PLXNA4: variants seen among roughly 807,000 people sequenced by gnomAD.
The protein encoded by PLXNA4 is plexin A4.
In PLXNA4, 44 loss-of-function variants were observed where a neutral mutation model predicts 191.8. The ratio of observed to expected loss-of-function variants is 0.23; its 90% CI spans 0.18 to 0.29. The LOEUF (loss-of-function observed/expected upper bound fraction) is 0.29. Among genes scored for constraint, PLXNA4 ranks in the 10% least tolerant of loss-of-function variants. PLXNA4 has a pLI of 1.00. For synonymous variants in PLXNA4, 1,082 were observed against 1,009.5 expected, an observed-to-expected ratio of 1.07 and a Z score of -1.36; for missense variants, 1,800 against 2,488.8, an observed-to-expected ratio of 0.72 and a Z score of 5.89.
chr7:132,470,795 T>C (rs1796906309), intron 3 of PLXNA4, among the ~76,000 whole-genome samples: 1 of 152,120 alleles, frequency 6.6e-6, no homozygotes, highest in Non-Finnish European at 1.5e-5. Flanking sequence ...GGAATGTGGG[T>C]GGCCTTTAGA....
At chr7:132,544,211 A>G (rs142962768) in intron 1 of PLXNA4, among the ~76,000 whole-genome samples, 130 of 152,320 alleles carry the variant, frequency 8.5e-4, no homozygotes, top group African/African-American at 2.9e-3. Flanking sequence ...AGACAGCTCA[A>G]AGAAAAGATC....
chr7:132,148,787 G>A, intron 25 of PLXNA4, 141 bp from the exon 26 acceptor site: 1 of 1,342,700 alleles, frequency 7.4e-7, no homozygotes, highest in Non-Finnish European at 9.9e-7. Flanking sequence ...TGCGAAAATG[G>A]AGTGCCAAAG....
chr7:132,279,175 A>G (rs1352668993), intron 4 of PLXNA4, among the ~76,000 whole-genome samples: 1 of 152,204 alleles, frequency 6.6e-6, no homozygotes, highest in Non-Finnish European at 1.5e-5. Context: ...CTGACTGGTG[A>G]GTGGTGCACA....
intron 27 of PLXNA4, among the ~76,000 whole-genome samples, chr7:132,147,317 G>A (rs1307441721): frequency 6.6e-6 from 1 of 152,174 alleles, no homozygotes; most frequent in African/African-American, 2.4e-5. Context: ...GAATGATCCT[G>A]TTCAGTCGGT....
chr7:132,374,085 C>T (rs767979292), intron 3 of PLXNA4, among the ~76,000 whole-genome samples: 8 of 152,258 alleles, frequency 5.3e-5, no homozygotes, highest in African/African-American at 1.9e-4. Context: ...TTGATGCTGA[C>T]CTGCACGAAG....
intron 27 of PLXNA4, among the ~76,000 whole-genome samples, chr7:132,147,411 T>C (rs1187739476): frequency 6.6e-6 from 1 of 152,136 alleles, no homozygotes; most frequent in East Asian, 1.9e-4. Flanking sequence ...AGCACACAGA[T>C]AGGGCAGAAC....
intron 4 of PLXNA4, among the ~76,000 whole-genome samples, chr7:132,291,219 C>A (rs748245472): frequency 1.3e-5 from 2 of 152,160 alleles, no homozygotes; most frequent in African/African-American, 2.4e-5. Context: ...TCTCCCCAGA[C>A]GGTCCTCTCG....
intron 2 of PLXNA4, among the ~76,000 whole-genome samples, chr7:132,625,210 G>A (rs902720582): frequency 4.6e-5 from 7 of 152,158 alleles, no homozygotes; most frequent in Non-Finnish European, 7.3e-5. Context: ...GGTGGAGAGT[G>A]CCAAATCAAG....
intron 1 of PLXNA4, among the ~76,000 whole-genome samples, chr7:132,575,030 T>C (rs1253544429): frequency 1.3e-5 from 2 of 152,190 alleles, no homozygotes; most frequent in Admixed American, 6.5e-5. Flanking sequence ...GAAAATGATA[T>C]GATCATGTTG....
intron 3 of PLXNA4, among the ~76,000 whole-genome samples, chr7:132,399,090 A>C (rs1372201664): frequency 2.0e-5 from 3 of 152,262 alleles, no homozygotes; most frequent in African/African-American, 7.2e-5. Context: ...GTGCTGCATT[A>C]AAGTACAGAG....
chr7:132,168,525 G>A lies in PLXNA4; in HGVS notation c.4065C>T (p.Phe1355=), dbSNP rs200724235. 25 of 1,610,410 alleles carry A rather than the reference G, an allele frequency of 1.6e-5. No individual in the cohort carries two copies. Among genetic ancestry groups the A allele is most frequent in the African/African-American group, 1.3e-4 (10 of 75,030 alleles). Residue 1355 remains phenylalanine (F), a synonymous_variant, in exon 22 of 32, where the codon TTC becomes TTT. Transcript: ENST00000321063. ...QERVEKGLKL[F]AQLINNKVFL... ...ACACCTTGTTGTTGATGAGCTGGGC[G>A]AAGAGCTTCAGGCCTTTCTCCACAC...
At chr7:132,420,133 A>C (rs1275353243) in intron 3 of PLXNA4, among the ~76,000 whole-genome samples, 1 of 152,116 alleles carries the variant, frequency 6.6e-6, no homozygotes, top group Non-Finnish European at 1.5e-5. Flanking sequence ...AACCTCTTCC[A>C]CACCTGCCCA....
intron 29 of PLXNA4, among the ~76,000 whole-genome samples, chr7:132,144,808 C>T (rs2116560275): frequency 6.6e-6 from 1 of 152,256 alleles, no homozygotes; most frequent in Admixed American, 6.5e-5. Flanking sequence ...GGGAGAGTGT[C>T]CTGGCCGTGA....
intron 3 of PLXNA4, among the ~76,000 whole-genome samples, chr7:132,321,070 T>C (rs939173750): frequency 3.3e-5 from 5 of 152,064 alleles, no homozygotes; most frequent in African/African-American, 9.7e-5. Context: ...GCACATCACC[T>C]GGCTCCACAC....
intron 9 of PLXNA4, among the ~76,000 whole-genome samples, chr7:132,218,911 A>G (rs1798054358): frequency 6.6e-6 from 1 of 152,174 alleles, no homozygotes; most frequent in South Asian, 2.1e-4. Flanking sequence ...AATAACAACA[A>G]TGATTGACCA....
intron 3 of PLXNA4, among the ~76,000 whole-genome samples, chr7:132,406,131 A>G (rs1794210510): frequency 6.6e-6 from 1 of 152,212 alleles, no homozygotes; most frequent in Admixed American, 6.5e-5. Flanking sequence ...CTTACACTGC[A>G]GGGTTAAAAG....
chr7:132,385,638 C>A (rs184937503), intron 3 of PLXNA4, among the ~76,000 whole-genome samples: 92 of 152,316 alleles, frequency 6.0e-4, no homozygotes, highest in African/African-American at 2.0e-3. Context: ...TCACCTATGT[C>A]CCTGAAAGAA....
intron 2 of PLXNA4, among the ~76,000 whole-genome samples, chr7:132,593,537 G>A (rs1048929649): frequency 6.6e-6 from 1 of 152,192 alleles, no homozygotes; most frequent in African/African-American, 2.4e-5. Flanking sequence ...GGGAGTCCAG[G>A]AGGATGGCTC....
At chr7:132,617,392 T>A (rs1254884726) in intron 2 of PLXNA4, among the ~76,000 whole-genome samples, 1 of 152,208 alleles carries the variant, frequency 6.6e-6, no homozygotes, top group African/African-American at 2.4e-5. Flanking sequence ...TTTCCACTCT[T>A]ATCCCAGGGC....
Sources: gnomAD v4.1 joint callset for allele counts (sites outside exome capture counted in the v4.1 genomes callset) on GRCh38, gnomAD v4.1.1 for gene constraint, MANE v1.5 for transcripts, NCBI Gene and HGNC (gene_info 2026-07-23, HGNC 2026-07-21) for gene names.